Variants in CNTN4 observed in about 807,000 individuals in gnomAD.
The protein encoded by CNTN4 is contactin-4.
A neutral mutation model predicts 122.5 loss-of-function variants in CNTN4; 77 were observed. That is an observed-to-expected ratio of 0.63 (90% confidence interval 0.52 to 0.76). The LOEUF (loss-of-function observed/expected upper bound fraction) is 0.76. Among genes scored for constraint, CNTN4 ranks in the 30% least tolerant of loss-of-function variants. The pLI, the probability that CNTN4 is intolerant of heterozygous loss-of-function variation, is 0.00. For synonymous variants in CNTN4, 512 were observed against 447.0 expected (o/e 1.15, Z -1.83); for missense variants, 1,256 against 1,259.1 (o/e 1.00, Z 0.04).
intron 3 of CNTN4, among the ~76,000 whole-genome samples, chr3:2,371,818 A>G (rs6793455): frequency 6.6e-6 from 1 of 152,148 alleles, no homozygotes; most frequent in Non-Finnish European, 1.5e-5. Flanking sequence ...GCTAAATTGA[A>G]GCTGATGTGA....
At chr3:2,359,940 C>T (rs934569513) in intron 3 of CNTN4, among the ~76,000 whole-genome samples, 3 of 152,170 alleles carry the variant, frequency 2.0e-5, no homozygotes, top group Non-Finnish European at 4.4e-5. Flanking sequence ...TTAAGCACAA[C>T]CTTGTTTCAA....
chr3:2,658,648 T>C (rs1046849514), intron 4 of CNTN4, among the ~76,000 whole-genome samples: 2 of 152,202 alleles, frequency 1.3e-5, no homozygotes, highest in African/African-American at 4.8e-5. Context: ...TACCATCCTT[T>C]ATTCCTTTTG....
chr3:2,211,199 G>A (rs1478160470), intron 2 of CNTN4, among the ~76,000 whole-genome samples: 8 of 152,004 alleles, frequency 5.3e-5, no homozygotes, highest in African/African-American at 1.4e-4. Flanking sequence ...AGAGTGTGGC[G>A]GGGGTTGGGC....
At chr3:2,497,137 C>T (rs538026974) in intron 3 of CNTN4, among the ~76,000 whole-genome samples, 1 of 152,316 alleles carries the variant, frequency 6.6e-6, no homozygotes, top group South Asian at 2.1e-4. Context: ...ATTCCTTAAC[C>T]CACTTCAGTT....
chr3:2,842,172 A>G (rs376867575), intron 7 of CNTN4, among the ~76,000 whole-genome samples: 94 of 152,308 alleles, frequency 6.2e-4, no homozygotes, highest in African/African-American at 2.2e-3. Context: ...CTCTTTCTTT[A>G]AAGAGTGCAG....
At chr3:2,831,219 A>G (rs75621461) in intron 7 of CNTN4, among the ~76,000 whole-genome samples, 3,817 of 152,266 alleles carry the variant, frequency 0.025, 81 homozygotes, top group Middle Eastern at 0.051. Context: ...TTTTGATTCT[A>G]TGTAATATCA....
At chr3:2,695,879 C>T (rs965049397) in intron 4 of CNTN4, among the ~76,000 whole-genome samples, 2 of 151,854 alleles carry the variant, frequency 1.3e-5, no homozygotes, top group Non-Finnish European at 1.5e-5. Context: ...GGAAGGGAGA[C>T]AATAGAAGTT....
intron 3 of CNTN4, chr3:2,362,539 C>G: frequency 1.7e-6 from 1 of 603,474 alleles, no homozygotes. Flanking sequence ...TCCTAAGAAG[C>G]CCATTCCTCG....
At chr3:2,304,210 G>A (rs1189319660) in intron 2 of CNTN4, among the ~76,000 whole-genome samples, 1 of 152,034 alleles carries the variant, frequency 6.6e-6, no homozygotes, top group Admixed American at 6.6e-5. Flanking sequence ...TTCTTTTCAA[G>A]TTTAGATTTA....
intron 14 of CNTN4, chr3:2,988,714 A>T (rs1324898553): frequency 1.9e-6 from 1 of 521,130 alleles, no homozygotes; most frequent in African/African-American, 1.9e-5. Context: ...TAGCCATTGT[A>T]TCTCTTATAG....
intron 4 of CNTN4, among the ~76,000 whole-genome samples, chr3:2,611,327 AAC>A (rs2081481974): frequency 2.0e-5 from 3 of 150,018 alleles, no homozygotes; most frequent in Admixed American, 6.7e-5. Context: ...GAAAGAAAGA[AAC>A]AAAAACAAAA....
At chr3:2,879,193 C>T (rs1215451903) in intron 8 of CNTN4, among the ~76,000 whole-genome samples, 1 of 152,134 alleles carries the variant, frequency 6.6e-6, no homozygotes, top group Non-Finnish European at 1.5e-5. Flanking sequence ...AATGGGAAGA[C>T]ACACATACAC....
At chr3:2,257,528 A>G (rs1280163581) in intron 2 of CNTN4, among the ~76,000 whole-genome samples, 1 of 152,186 alleles carries the variant, frequency 6.6e-6, no homozygotes, top group Non-Finnish European at 1.5e-5. Context: ...AAATTTTTGC[A>G]ATCTATCCAT....
chr3:2,526,536 A>T (rs1433152923), intron 3 of CNTN4, among the ~76,000 whole-genome samples: 1 of 152,186 alleles, frequency 6.6e-6, no homozygotes, highest in African/African-American at 2.4e-5. Flanking sequence ...AGTAACTAGG[A>T]TAAAATAATC....
intron 2 of CNTN4, among the ~76,000 whole-genome samples, chr3:2,154,127 G>A (rs2035611366): frequency 6.6e-6 from 1 of 152,064 alleles, no homozygotes; most frequent in South Asian, 2.1e-4. Context: ...TCTGACGCCT[G>A]TAATCCCAGC....
intron 14 of CNTN4, among the ~76,000 whole-genome samples, chr3:3,010,345 CT>C (rs758807592): frequency 6.6e-6 from 1 of 151,956 alleles, no homozygotes; most frequent in Admixed American, 6.6e-5. Context: ...TGTTTCTTGT[CT>C]TTCCCCACTG....
At chr3:3,009,486 T>C (rs140385591) in intron 14 of CNTN4, among the ~76,000 whole-genome samples, 1 of 151,722 alleles carries the variant, frequency 6.6e-6, no homozygotes, top group African/African-American at 2.4e-5. Flanking sequence ...CAGGCTGGAG[T>C]GCAGTGGCGC....
At chr3:2,838,560 TAAAAA>T (rs11394928) in intron 7 of CNTN4, among the ~76,000 whole-genome samples, 1 of 127,948 alleles carries the variant, frequency 7.8e-6, no homozygotes, top group Admixed American at 7.9e-5. Context: ...CTATGGTTTG[TAAAAA>T]AAAAAAAAAA....
At chr3:2,798,319 A>T (rs1340714437) in intron 6 of CNTN4, among the ~76,000 whole-genome samples, 4 of 117,096 alleles carry the variant, frequency 3.4e-5, no homozygotes, top group Non-Finnish European at 7.8e-5. Context: ...TTATATATTT[A>T]TGTTTATATA....
Sources: allele counts gnomAD v4.1 joint callset (sites outside exome capture counted in the v4.1 genomes callset), GRCh38; gene constraint gnomAD v4.1.1; transcripts MANE v1.5; gene names NCBI Gene and HGNC (gene_info 2026-07-23, HGNC 2026-07-21).